GALNT9: variants seen among roughly 807,000 people sequenced by gnomAD.
GALNT9 encodes the protein polypeptide N-acetylgalactosaminyltransferase 9.
In GALNT9, 47 loss-of-function variants were observed where a neutral mutation model predicts 63.1. That is an observed-to-expected ratio of 0.75 (90% CI 0.59 to 0.95). The LOEUF is 0.95. Ranked by LOEUF, GALNT9 falls within the 40% of genes least tolerant of loss-of-function variation. GALNT9 has a pLI of 0.00. For missense variants in GALNT9, 829 were observed against 874.8 expected (o/e 0.95, Z 0.66); for synonymous variants, 396 against 365.7 (o/e 1.08, Z -0.94).
At chr12:132,285,407 G>A (rs1483201574) in intron 2 of GALNT9, among the ~76,000 whole-genome samples, 1 of 152,224 alleles carries the variant, frequency 6.6e-6, no homozygotes, top group Non-Finnish European at 1.5e-5. Context: ...CTTTATCCGA[G>A]CAACAATGCC....
At chr12:132,243,315 C>G (rs1878530064) in intron 6 of GALNT9, among the ~76,000 whole-genome samples, 1 of 140,908 alleles carries the variant, frequency 7.1e-6, no homozygotes, top group Non-Finnish European at 1.5e-5. Context: ...ACCCATTACA[C>G]ACACACCACA....
In GALNT9 at chr12:132,246,813, G is replaced by C. The variant is rs1229594196; in HGVS notation, c.1077+1097C>G. On this transcript the variant is annotated intron_variant, in intron 6 of 10. Transcript: ENST00000328957. The surrounding 1 kb of genome is among the most constrained non-coding windows in gnomAD (Gnocchi z 4.7). The stretch of plus-strand genomic sequence containing the variant: ...CCCACAGTGTTGGGATTACAGGCGT[G>C]AGCCTCAGTGCCCGGCCTCACAGTA... Among the ~76,000 whole-genome samples the C allele has an allele frequency of 6.6e-6, 1 of 152,248 alleles. No individual in the cohort carries two copies. The highest frequency in any genetic ancestry group is 1.5e-5 in the Non-Finnish European group (1 of 68,050).
intron 6 of GALNT9, among the ~76,000 whole-genome samples, chr12:132,229,281 G>A (rs1049838229): frequency 1.3e-5 from 2 of 152,126 alleles, no homozygotes; most frequent in African/African-American, 4.8e-5. Flanking sequence ...GCCCCATCTC[G>A]CCCTGGGTCA....
intron 2 of GALNT9, chr12:132,277,772 A>G (rs1178020420): frequency 6.6e-6 from 1 of 152,178 alleles, no homozygotes; most frequent in Non-Finnish European, 1.5e-5. Context: ...TGCCATACTC[A>G]TGGGAGTCCC....
chr12:132,201,077 G>C (rs776812776), intron 8 of GALNT9, 47 bp downstream of exon 8: 9 of 1,586,518 alleles, frequency 5.7e-6, no homozygotes, highest in African/African-American at 1.3e-5. Context: ...CAGGAGTCAG[G>C]GCAGAAAGCC....
chr12:132,286,114 G>C lies in GALNT9; in HGVS notation c.419+136C>G, dbSNP rs550611117. The C allele has an allele frequency of 5.2e-6, 6 of 1,144,494 alleles. No homozygotes were observed. The highest frequency in any genetic ancestry group is 3.1e-5 in the Admixed American group (1 of 31,980). The allele number at this position is 1,144,494 out of a possible 1,614,324, so 70.9% of individuals were successfully genotyped here. On this transcript the variant is annotated intron_variant, in intron 2 of 10. Transcript: ENST00000328957. The surrounding 1 kb of genome is among the most constrained non-coding windows in gnomAD (Gnocchi z 7.4). ...GTCACTTCCCCGGCGGGCGTGGGGG[G>C]CGGTCACTTCCCTGGCGGGCGTGGG...
intron 2 of GALNT9, among the ~76,000 whole-genome samples, chr12:132,272,032 C>A (rs377231730): frequency 6.6e-6 from 1 of 151,912 alleles, no homozygotes; most frequent in East Asian, 1.9e-4. Context: ...CGCTCGAGGG[C>A]GGGGGGAGGA....
Position 132,260,161 on chromosome 12 carries a change from G to C in GALNT9, c.761+787C>G, listed in dbSNP as rs141448976. On this transcript the variant is annotated intron_variant, in intron 4 of 10. Transcript: ENST00000328957. ...CTAATGACAAGGGTCCTTGCATAAG[G>C]CAGGGATGGAGAAACAGACACAGGG... 4.4e-3 allele frequency among the ~76,000 whole-genome samples: 671 copies of C among 152,320 alleles called. 5 individuals are homozygous for C. Among genetic ancestry groups the C allele is most frequent in the African/African-American group, 0.014 (601 of 41,572 alleles).
At chr12:132,235,322 C>T (rs907059489) in intron 6 of GALNT9, among the ~76,000 whole-genome samples, 8 of 151,668 alleles carry the variant, frequency 5.3e-5, no homozygotes, top group Non-Finnish European at 1.2e-4. Context: ...GTCATTGGAG[C>T]TGGGACCCGG....
chr12:132,262,286 C>T (rs547363798), intron 3 of GALNT9, among the ~76,000 whole-genome samples, 173 bp downstream of exon 3: 138 of 152,312 alleles, frequency 9.1e-4, no homozygotes, highest in African/African-American at 3.0e-3. Context: ...AGCACGTACG[C>T]AGCCATGACA....
Position 132,286,109 on chromosome 12 carries a change from G to A in GALNT9, c.419+141C>T, listed in dbSNP as rs1301343360. 1.7e-5 allele frequency: 18 copies of A among 1,086,254 alleles called. 1 individual carries two copies. The South Asian group carries it at 1.9e-4, about 12-fold the overall frequency. 67.3% of individuals were successfully genotyped at this position (1,086,254 alleles called of 1,614,324 possible). ...GGGCGGTCACTTCCCCGGCGGGCGT[G>A]GGGGGCGGTCACTTCCCTGGCGGGC... On this transcript the variant is annotated intron_variant, in intron 2 of 10. Coordinates refer to ENST00000328957, the MANE Select transcript of GALNT9 (RefSeq NM_001122636.2). This position sits in a 1 kb window ranked among gnomAD's most constrained non-coding sequence, Gnocchi z 7.4.
At chr12:132,324,343 G>A (rs1453528493) in intron 1 of GALNT9, among the ~76,000 whole-genome samples, 4 of 152,202 alleles carry the variant, frequency 2.6e-5, no homozygotes, top group African/African-American at 9.6e-5. Flanking sequence ...CGCGCCTTCC[G>A]CACGACCCCG....
chr12:132,206,827 G>A (rs1876726891), intron 6 of GALNT9, among the ~76,000 whole-genome samples: 1 of 152,102 alleles, frequency 6.6e-6, no homozygotes, highest in East Asian at 1.9e-4. Context: ...GCCATACCCC[G>A]TGAACGGGGA....
chr12:132,215,130 G>A (rs79382728), intron 6 of GALNT9, among the ~76,000 whole-genome samples: 2 of 152,336 alleles, frequency 1.3e-5, no homozygotes, highest in African/African-American at 4.8e-5. Context: ...GTTTCCAGAC[G>A]CCGGGTCTCC....
At chr12:132,304,062 C>G (rs1445360445) in intron 1 of GALNT9, among the ~76,000 whole-genome samples, 5 of 36,134 alleles carry the variant, frequency 1.4e-4, no homozygotes, top group African/African-American at 1.1e-4. Context: ...CCCGGGCACA[C>G]CCTCACCTGG....
intron 1 of GALNT9, among the ~76,000 whole-genome samples, chr12:132,297,810 A>G (rs1160445018): frequency 6.6e-6 from 1 of 151,814 alleles, no homozygotes; most frequent in African/African-American, 2.4e-5. Flanking sequence ...TCTCATAATA[A>G]CCAACTCACT....
intron 3 of GALNT9, among the ~76,000 whole-genome samples, chr12:132,262,083 G>A (rs562951273): frequency 2.6e-5 from 4 of 152,320 alleles, no homozygotes; most frequent in African/African-American, 9.6e-5. Context: ...ATCTCCACCC[G>A]GAGCCTGAGA....
At chr12:132,256,697 CTG>C (rs1555239117) in intron 5 of GALNT9, among the ~76,000 whole-genome samples, 1 of 150,100 alleles carries the variant, frequency 6.7e-6, no homozygotes, top group African/African-American at 2.5e-5. Flanking sequence ...AGGGGGGACA[CTG>C]GAGTGGGTTT....
At chr12:132,257,972 C>G (rs1050041398) in intron 4 of GALNT9, 86 bp from the exon 5 acceptor site, 4 of 884,984 alleles carry the variant, frequency 4.5e-6, no homozygotes, top group African/African-American at 1.7e-5. Context: ...GAGGGGAGGC[C>G]AGTCCCCACC....
Sources: gnomAD v4.1 joint callset for allele counts (sites outside exome capture counted in the v4.1 genomes callset) on GRCh38, gnomAD v4.1.1 for gene constraint, Gnocchi (gnomAD v3.1) non-coding constraint, MANE v1.5 for transcripts, NCBI Gene and HGNC (gene_info 2026-07-23, HGNC 2026-07-21) for gene names.